Variants in FBXL13 observed in about 807,000 individuals in gnomAD.
FBXL13 encodes the protein F-box and leucine rich repeat protein 13.
Under a neutral mutation model 83.6 loss-of-function variants are expected in FBXL13, and 67 were observed. The ratio of observed to expected loss-of-function variants is 0.80; its 90% CI spans 0.66 to 0.98. FBXL13 has a LOEUF of 0.98. Among genes scored for constraint, FBXL13 ranks in the 50% least tolerant of loss-of-function variants. The pLI is 0.00. For synonymous variants in FBXL13, 272 were observed against 299.5 expected (o/e 0.91, Z 0.95); for missense variants, 822 against 866.5 (o/e 0.95, Z 0.64).
intron 16 of FBXL13, among the ~76,000 whole-genome samples, chr7:102,873,038 C>T (rs530129238): frequency 6.6e-6 from 1 of 152,214 alleles, no homozygotes; most frequent in African/African-American, 2.4e-5. Context: ...CTTTGCTTCC[C>T]CCATTTAAGT....
intron 2 of FBXL13, among the ~76,000 whole-genome samples, chr7:103,048,964 A>G (rs992497721): frequency 6.6e-6 from 1 of 152,212 alleles, no homozygotes; most frequent in Non-Finnish European, 1.5e-5. Context: ...ATCACATGTT[A>G]TAATGGTAAT....
intron 11 of FBXL13, among the ~76,000 whole-genome samples, chr7:102,895,757 CA>C (rs1265966864): frequency 6.6e-6 from 1 of 152,168 alleles, no homozygotes; most frequent in Admixed American, 6.5e-5. Flanking sequence ...ATCACCCTCC[CA>C]ATTGGCACTT....
intron 11 of FBXL13, among the ~76,000 whole-genome samples, chr7:102,909,387 T>C (rs1814288544): frequency 1.3e-5 from 2 of 152,118 alleles, no homozygotes; most frequent in African/African-American, 4.8e-5. Flanking sequence ...CTCGGTGCTC[T>C]ACCCTCCTGT....
chr7:103,024,262 C>T (rs1272251477), intron 6 of FBXL13, among the ~76,000 whole-genome samples: 2 of 150,974 alleles, frequency 1.3e-5, no homozygotes, highest in Non-Finnish European at 2.9e-5. Context: ...TGTGGTGGTT[C>T]ATGCCTGTAA....
At chr7:103,033,686 A>C (rs1477557476) in intron 2 of FBXL13, among the ~76,000 whole-genome samples, 2 of 152,276 alleles carry the variant, frequency 1.3e-5, no homozygotes, top group East Asian at 3.9e-4. Flanking sequence ...TGAGTGTTAC[A>C]GCTCATAAAG....
chr7:103,051,226 G>C (rs546748629), intron 2 of FBXL13, among the ~76,000 whole-genome samples: 14 of 152,140 alleles, frequency 9.2e-5, no homozygotes, highest in African/African-American at 3.4e-4. Flanking sequence ...AAATTCCTGT[G>C]AATTTTCAAA....
At chr7:102,890,681 A>C (rs1811432555) in intron 11 of FBXL13, among the ~76,000 whole-genome samples, 1 of 152,244 alleles carries the variant, frequency 6.6e-6, no homozygotes, top group African/African-American at 2.4e-5. Context: ...CTAAGGTAGT[A>C]AAAAGAAGGA....
intron 16 of FBXL13, chr7:102,857,689 A>T (rs1380974028): frequency 2.0e-5 from 3 of 152,190 alleles, no homozygotes; most frequent in Non-Finnish European, 2.9e-5. Flanking sequence ...TCTCAGGAAG[A>T]CATACAAATA....
intron 11 of FBXL13, among the ~76,000 whole-genome samples, chr7:102,906,475 A>G (rs1440567456): frequency 6.6e-6 from 1 of 152,130 alleles, no homozygotes; most frequent in African/African-American, 2.4e-5. Context: ...TCAGGTGATT[A>G]TTTATTGCTT....
At position 103,060,754 on chromosome 7, in the gene FBXL13, C is replaced by T. The variant is rs191328608; in HGVS notation, c.-104-5007G>A. ...AATATTATAATATAAAAAATAATTA[C>T]TCCAAAAGTGCAGAGATAAAAGTGA... On this transcript the variant is annotated intron_variant, in intron 1 of 19. Transcript: ENST00000313221. Among the ~76,000 whole-genome samples the T allele has an allele frequency of 4.5e-4, 68 of 152,290 alleles. No individual in the cohort carries two copies. The East Asian group carries it at 8.1e-3, about 18-fold the overall frequency.
rs751095185 is a variant in FBXL13 at position 102,976,142 on chromosome 7, T to C, written c.496-8025A>G. The C allele has an allele frequency of 1.8e-5, 14 of 766,330 alleles. No individual in the cohort carries two copies. The African/African-American group carries it at 2.2e-4, about 12-fold the overall frequency. The allele number at this position is 766,330 out of a possible 1,614,324, so 47.5% of individuals were successfully genotyped here. Reference sequence around the variant, plus strand: ...CCTCCTACTCGGATCTCGTCAGCCTTGCCGCTGAAGACTGATAGTGCCTTG... The same window carrying C: ...CCTCCTACTCGGATCTCGTCAGCCTCGCCGCTGAAGACTGATAGTGCCTTG... On this transcript the variant is annotated intron_variant, in intron 6 of 19. Transcript: ENST00000313221.
At chr7:102,908,647 C>T (rs560131433) in intron 11 of FBXL13, among the ~76,000 whole-genome samples, 6 of 152,320 alleles carry the variant, frequency 3.9e-5, no homozygotes, top group African/African-American at 1.2e-4. Flanking sequence ...CTGTGGTTCT[C>T]GCACACTTGT....
At chr7:102,953,358 G>GAA (rs199721072) in intron 8 of FBXL13, among the ~76,000 whole-genome samples, 18 of 148,094 alleles carry the variant, frequency 1.2e-4, no homozygotes, top group Non-Finnish European at 1.5e-4. Flanking sequence ...TTCAACAGAC[G>GAA]AAAAAAAAAA....
At chr7:102,861,600 G>C (rs183884331) in intron 16 of FBXL13, among the ~76,000 whole-genome samples, 1 of 152,154 alleles carries the variant, frequency 6.6e-6, no homozygotes, top group Non-Finnish European at 1.5e-5. Flanking sequence ...AGATGTTATA[G>C]TACACCCAGA....
chr7:103,025,360 A>T (rs1793785338), intron 5 of FBXL13, 130 bp from the exon 7 acceptor site: 3 of 539,118 alleles, frequency 5.6e-6, no homozygotes, highest in South Asian at 3.0e-5. Context: ...CATCATTACT[A>T]CATAAACTAT....
chr7:102,946,386 T>A (rs1348616580), intron 8 of FBXL13, among the ~76,000 whole-genome samples: 1 of 152,258 alleles, frequency 6.6e-6, no homozygotes, highest in Non-Finnish European at 1.5e-5. Context: ...CTAAGCCCTT[T>A]CTGCTATGCA....
At chr7:102,915,973 A>T (rs900563270) in intron 10 of FBXL13, among the ~76,000 whole-genome samples, 5 of 151,732 alleles carry the variant, frequency 3.3e-5, no homozygotes, top group Non-Finnish European at 1.5e-5. Flanking sequence ...AAAAGTAGAG[A>T]TGAGTTTCTT....
At chr7:102,923,408 A>C (rs1817473998) in intron 10 of FBXL13, among the ~76,000 whole-genome samples, 1 of 152,232 alleles carries the variant, frequency 6.6e-6, no homozygotes, top group Non-Finnish European at 1.5e-5. Flanking sequence ...GTTGGGAAAA[A>C]ATGTGCAGTA....
intron 2 of FBXL13, among the ~76,000 whole-genome samples, chr7:103,034,233 C>T (rs1431431745): frequency 4.6e-5 from 7 of 152,194 alleles, no homozygotes; most frequent in Non-Finnish European, 8.8e-5. Flanking sequence ...AGTCCTGTGC[C>T]GTGTGCCCAC....
Sources: allele counts gnomAD v4.1 joint callset (sites outside exome capture counted in the v4.1 genomes callset), GRCh38; gene constraint gnomAD v4.1.1; transcripts MANE v1.5; gene names NCBI Gene and HGNC (gene_info 2026-07-23, HGNC 2026-07-21).